The following EIF4G3 variants were observed in gnomAD, a reference collection of about 807,000 sequenced individuals.
The protein encoded by EIF4G3 is eIF-4-gamma 3.
EIF4G3 carries 34 observed loss-of-function variants against 186.4 expected under a neutral mutation model. The observed-to-expected ratio is 0.18, with a 90% CI of 0.14 to 0.24. The LOEUF is 0.24. EIF4G3 is among the 10% of genes least tolerant of loss of function. EIF4G3 has a pLI of 1.00. For synonymous variants in EIF4G3, 673 were observed against 679.5 expected (o/e 0.99, Z 0.15); for missense variants, 1,536 against 1,948.5 (o/e 0.79, Z 3.99).
rs1348020630 is a variant in EIF4G3, at chr1:21,070,477, T to G, written c.-196+18661A>C. On this transcript the variant is annotated intron_variant, in intron 3 of 36. Transcript: ENST00000602326. ...AATGACATGTTTTCCTCTCCACTTATCAAAACATTAGAGATCTTTCCAAGT... is the reference window on the plus strand; with the variant it reads ...AATGACATGTTTTCCTCTCCACTTAGCAAAACATTAGAGATCTTTCCAAGT... Among the ~76,000 whole-genome samples, 3 of 152,188 alleles carry G rather than the reference T, an allele frequency of 2.0e-5. No individual in the cohort carries two copies. The South Asian group carries it at 6.2e-4, about 32-fold the overall frequency.
intron 2 of EIF4G3, among the ~76,000 whole-genome samples, chr1:21,125,761 T>A (rs1327485225): frequency 8.7e-6 from 1 of 114,728 alleles, no homozygotes; most frequent in Non-Finnish European, 1.9e-5. Context: ...ATAATTTTTT[T>A]ATATATATAT....
chr1:20,918,671 C>T (rs1426716087), intron 14 of EIF4G3, among the ~76,000 whole-genome samples: 14 of 148,520 alleles, frequency 9.4e-5, no homozygotes, highest in Admixed American at 2.7e-4. Flanking sequence ...TTTCTTACCA[C>T]GAAAACTTTT....
intron 4 of EIF4G3, among the ~76,000 whole-genome samples, chr1:21,016,371 G>A (rs2089054362): frequency 6.6e-6 from 1 of 152,226 alleles, no homozygotes; most frequent in East Asian, 1.9e-4. Context: ...AGTAAGGGAG[G>A]AAATGAGGCA....
At chr1:21,007,514 T>TCAAAAAAAAA (rs2085453685) in intron 4 of EIF4G3, among the ~76,000 whole-genome samples, 1 of 6,258 alleles carries the variant, frequency 1.6e-4, no homozygotes, top group Admixed American at 2.6e-3. Context: ...GGGCCCCTCC[T>TCAAAAAAAAA]TAAAAAAAAA....
intron 13 of EIF4G3, among the ~76,000 whole-genome samples, chr1:20,945,663 G>T (rs1156371788): frequency 6.6e-6 from 1 of 152,006 alleles, no homozygotes; most frequent in Non-Finnish European, 1.5e-5. Context: ...ACAGGGTATC[G>T]CTATGTTACT....
At chr1:20,834,869 C>T (rs1041590846) in intron 30 of EIF4G3, among the ~76,000 whole-genome samples, 1 of 152,176 alleles carries the variant, frequency 6.6e-6, no homozygotes, top group Non-Finnish European at 1.5e-5. Flanking sequence ...TTGAATTATA[C>T]TTTAAACCAA....
chr1:20,859,499 A>G (rs1440820867), intron 24 of EIF4G3, among the ~76,000 whole-genome samples: 3 of 152,202 alleles, frequency 2.0e-5, no homozygotes, highest in Non-Finnish European at 2.9e-5. Flanking sequence ...CCTCTGAAAA[A>G]GGTTTTCTTT....
At chr1:20,920,487 T>C (rs1005135842) in intron 14 of EIF4G3, among the ~76,000 whole-genome samples, 12 of 152,130 alleles carry the variant, frequency 7.9e-5, no homozygotes, top group Non-Finnish European at 1.6e-4. Context: ...GAAGAGAGAA[T>C]AGAATAATAG....
chr1:21,080,743 C>T lies in EIF4G3; in HGVS notation c.-196+8395G>A, dbSNP rs983986931. On this transcript the variant is annotated intron_variant, in intron 3 of 36. Coordinates refer to ENST00000602326, the MANE Select transcript of EIF4G3 (RefSeq NM_001391906.1). ...CAGGCTGATCTCAAACTCCTGACTTCGTGATCTGCCCACCTCAGCCTCCCA... is the reference window on the plus strand; with the variant it reads ...CAGGCTGATCTCAAACTCCTGACTTTGTGATCTGCCCACCTCAGCCTCCCA... 2.0e-5 allele frequency among the ~76,000 whole-genome samples: 3 copies of T among 152,196 alleles called. No individual in the cohort carries two copies. In the South Asian group the frequency reaches 6.2e-4, roughly 32 times the overall value.
At chr1:21,073,553 G>GT (rs1264508263) in intron 3 of EIF4G3, 2 of 426,196 alleles carry the variant, frequency 4.7e-6, no homozygotes, top group Non-Finnish European at 9.4e-6. Context: ...CATGGTTCAG[G>GT]TATCACCTAA....
intron 4 of EIF4G3, among the ~76,000 whole-genome samples, chr1:21,009,568 G>T (rs1353430519): frequency 2.0e-5 from 3 of 151,196 alleles, no homozygotes; most frequent in African/African-American, 7.3e-5. Flanking sequence ...CTTAAATCTG[G>T]CCAGAGAAAC....
chr1:20,829,373 C>T (rs1042090075), intron 30 of EIF4G3, 101 bp from the exon 31 acceptor site: 3 of 1,332,406 alleles, frequency 2.3e-6, no homozygotes, highest in Non-Finnish European at 3.1e-6. Flanking sequence ...TATTAATCAC[C>T]TGCTATGTTA....
intron 35 of EIF4G3, 42 bp downstream of exon 35, chr1:20,813,116 G>C: frequency 7.5e-7 from 1 of 1,336,528 alleles, no homozygotes. Flanking sequence ...GACATAATGG[G>C]GATTTCAGAT....
intron 25 of EIF4G3, among the ~76,000 whole-genome samples, chr1:20,856,000 G>T (rs188423885): frequency 6.6e-6 from 1 of 152,084 alleles, no homozygotes; most frequent in African/African-American, 2.4e-5. Context: ...ATTAAATACC[G>T]ACACATTTTT....
At chr1:20,853,750 C>T (rs1293723295) in intron 26 of EIF4G3, 73 bp from the exon 27 acceptor site, 13 of 1,143,948 alleles carry the variant, frequency 1.1e-5, no homozygotes, top group Non-Finnish European at 1.7e-5. Context: ...CATCTGCATC[C>T]CTAGGTGAGG....
chr1:21,169,689 A>G (rs967630490), intron 2 of EIF4G3: 1 of 152,188 alleles, frequency 6.6e-6, no homozygotes, highest in Non-Finnish European at 1.5e-5. Context: ...GGCACTTCAG[A>G]TGGCTTTGTA....
intron 18 of EIF4G3, chr1:20,892,528 A>T: frequency 1.0e-6 from 1 of 964,950 alleles, no homozygotes; most frequent in Non-Finnish European, 1.6e-6. Context: ...TAAAATTTTG[A>T]CTTAACAATC....
chr1:20,960,422 T>C (rs112207407), intron 12 of EIF4G3, among the ~76,000 whole-genome samples: 89 of 151,924 alleles, frequency 5.9e-4, no homozygotes, highest in African/African-American at 2.0e-3. Context: ...GCCAAGATCA[T>C]GCCACTGAAC....
chr1:20,883,287 G>A (rs1179198140), intron 19 of EIF4G3, among the ~76,000 whole-genome samples: 1 of 152,112 alleles, frequency 6.6e-6, no homozygotes, highest in Non-Finnish European at 1.5e-5. Context: ...TTAGGTACAT[G>A]AGGTCAGAGG....
Sources: gnomAD v4.1 joint callset for allele counts (sites outside exome capture counted in the v4.1 genomes callset) on GRCh38, gnomAD v4.1.1 for gene constraint, MANE v1.5 for transcripts, NCBI Gene and HGNC (gene_info 2026-07-23, HGNC 2026-07-21) for gene names.